TENM4: variants seen among roughly 807,000 people sequenced by gnomAD.
TENM4 encodes teneurin-4.
A neutral mutation model predicts 243.3 loss-of-function variants in TENM4; 82 were observed. The ratio of observed to expected loss-of-function variants is 0.34; its 90% confidence interval spans 0.28 to 0.40. The LOEUF (loss-of-function observed/expected upper bound fraction) is 0.40, where lower values mean the gene tolerates loss of function less well. Ranked by LOEUF, TENM4 falls within the 10% of genes least tolerant of loss-of-function variation. The pLI, the probability that TENM4 is intolerant of heterozygous loss-of-function variation, is 1.00. For synonymous variants in TENM4, 1,412 were observed against 1,456.3 expected (o/e 0.97, Z 0.69); for missense variants, 3,138 against 3,673.3 (o/e 0.85, Z 3.77).
At chr11:78,658,952 AC>A in intron 33 of TENM4, 136 bp from the exon 34 acceptor site, 2 of 1,010,466 alleles carry the variant, frequency 2.0e-6, no homozygotes, top group Non-Finnish European at 2.8e-6. Context: ...ACCGCTGACC[AC>A]CAGAACATCC....
At chr11:79,034,401 C>T (rs1448111539) in intron 6 of TENM4, among the ~76,000 whole-genome samples, 1 of 152,152 alleles carries the variant, frequency 6.6e-6, no homozygotes, top group Admixed American at 6.5e-5. Context: ...TGCTATTCTG[C>T]TGCCTTATGA....
chr11:78,666,611 G>C (rs1223972505), intron 32 of TENM4, among the ~76,000 whole-genome samples: 1 of 152,214 alleles, frequency 6.6e-6, no homozygotes, highest in African/African-American at 2.4e-5. Flanking sequence ...TGGTTGCTTT[G>C]TTAAAAGCTG....
chr11:78,675,113 T>C (rs1858433815), intron 30 of TENM4, among the ~76,000 whole-genome samples: 1 of 152,104 alleles, frequency 6.6e-6, no homozygotes, highest in African/African-American at 2.4e-5. Context: ...GCAATCCACC[T>C]GCCTCAGCCT....
intron 3 of TENM4, among the ~76,000 whole-genome samples, chr11:79,161,944 G>C (rs779231252): frequency 1.3e-5 from 2 of 152,200 alleles, no homozygotes; most frequent in Non-Finnish European, 2.9e-5. Context: ...ATTACCCCCA[G>C]TTACAAATTA....
chr11:79,069,203 C>T (rs993923707), intron 5 of TENM4, among the ~76,000 whole-genome samples: 3 of 152,080 alleles, frequency 2.0e-5, no homozygotes, highest in Admixed American at 6.5e-5. Flanking sequence ...CTAACCATCT[C>T]GGGAAGGTCT....
At chr11:79,364,219 A>G (rs1857637566) in intron 1 of TENM4, among the ~76,000 whole-genome samples, 1 of 152,220 alleles carries the variant, frequency 6.6e-6, no homozygotes, top group South Asian at 2.1e-4. Flanking sequence ...CCATAACCGC[A>G]TGTGCCAGAG....
chr11:79,111,065 G>A (rs756827313), intron 4 of TENM4, among the ~76,000 whole-genome samples: 1 of 152,046 alleles, frequency 6.6e-6, no homozygotes, highest in Non-Finnish European at 1.5e-5. Context: ...ATTGAATCAT[G>A]GGGGTGGATT....
At chr11:79,233,571 A>T (rs953703159) in intron 2 of TENM4, among the ~76,000 whole-genome samples, 1 of 152,016 alleles carries the variant, frequency 6.6e-6, no homozygotes, top group Non-Finnish European at 1.5e-5. Flanking sequence ...TTCCAGATGG[A>T]GCAGAATGTG....
chr11:78,780,367 C>T (rs1480304194), intron 16 of TENM4, among the ~76,000 whole-genome samples: 8 of 152,236 alleles, frequency 5.3e-5, no homozygotes, highest in African/African-American at 2.4e-5. Flanking sequence ...GGCATGAATA[C>T]ATAGAATCAC....
intron 1 of TENM4, among the ~76,000 whole-genome samples, chr11:79,420,991 T>C (rs1461179706): frequency 6.6e-6 from 1 of 152,192 alleles, no homozygotes; most frequent in African/African-American, 2.4e-5. Flanking sequence ...CTAGAGTGCT[T>C]GTGTGTGCAT....
chr11:79,071,313 C>T (rs1281171984), intron 4 of TENM4, among the ~76,000 whole-genome samples: 1 of 152,182 alleles, frequency 6.6e-6, no homozygotes, highest in Non-Finnish European at 1.5e-5. Flanking sequence ...GTACACAAGA[C>T]ATTCCCCTGC....
chr11:78,960,212 A>G (rs1857288748), intron 6 of TENM4, among the ~76,000 whole-genome samples: 1 of 152,012 alleles, frequency 6.6e-6, no homozygotes, highest in Non-Finnish European at 1.5e-5. Context: ...AAAGGCATAG[A>G]GGAGTAGGGA....
intron 1 of TENM4, among the ~76,000 whole-genome samples, chr11:79,361,113 A>C (rs1012243543): frequency 1.3e-5 from 2 of 152,284 alleles, no homozygotes; most frequent in East Asian, 1.9e-4. Context: ...ATTATGCTAG[A>C]CTTTTGGAAT....
At chr11:79,207,645 G>A (rs369134251) in intron 3 of TENM4, among the ~76,000 whole-genome samples, 1 of 151,890 alleles carries the variant, frequency 6.6e-6, no homozygotes, top group Non-Finnish European at 1.5e-5. Flanking sequence ...CAGGTGGATT[G>A]CTTGAGCTCA....
At chr11:78,763,216 A>C (rs1591004210) in intron 18 of TENM4, among the ~76,000 whole-genome samples, 1 of 152,232 alleles carries the variant, frequency 6.6e-6, no homozygotes, top group East Asian at 1.9e-4. Context: ...TTTTTCCCGG[A>C]AATTTCATTT....
chr11:79,179,836 A>G (rs1283736394), intron 3 of TENM4, among the ~76,000 whole-genome samples: 1 of 151,824 alleles, frequency 6.6e-6, no homozygotes, highest in Non-Finnish European at 1.5e-5. Context: ...GAGCAGAGCT[A>G]TGGGCTTTAC....
chr11:79,226,153 C>G (rs1372394495), intron 2 of TENM4, among the ~76,000 whole-genome samples: 1 of 152,168 alleles, frequency 6.6e-6, no homozygotes, highest in African/African-American at 2.4e-5. Flanking sequence ...GCCTTTCTTC[C>G]CAATCCAAAC....
chr11:79,125,762 CT>C (rs1333790273), intron 4 of TENM4, among the ~76,000 whole-genome samples: 1 of 152,128 alleles, frequency 6.6e-6, no homozygotes, highest in Non-Finnish European at 1.5e-5. Context: ...ATGGCCTCCC[CT>C]GAGGCAGTTG....
At chr11:79,219,120 C>A (rs1435305988) in intron 2 of TENM4, among the ~76,000 whole-genome samples, 1 of 152,142 alleles carries the variant, frequency 6.6e-6, no homozygotes, top group Non-Finnish European at 1.5e-5. Flanking sequence ...TGGAAGACTG[C>A]CTTGCAGCAG....
Sources: allele counts gnomAD v4.1 joint callset (sites outside exome capture counted in the v4.1 genomes callset), GRCh38; gene constraint gnomAD v4.1.1; transcripts MANE v1.5; gene names NCBI Gene and HGNC (gene_info 2026-07-23, HGNC 2026-07-21).